The following URM1 variants were observed in gnomAD, a reference collection of about 807,000 sequenced individuals.
URM1 encodes ubiquitin-related modifier 1.
In URM1, 11 loss-of-function variants were observed where a neutral mutation model predicts 17.7. The ratio of observed to expected loss-of-function variants is 0.62; its 90% CI spans 0.39 to 1.03. URM1 has a LOEUF of 1.03. Ranked by LOEUF, URM1 falls within the 50% of genes least tolerant of loss-of-function variation. URM1 has a pLI of 0.00. For missense variants in URM1, 128 were observed against 129.2 expected, an observed-to-expected ratio of 0.99 and a Z score of 0.04; for synonymous variants, 48 against 50.6, an observed-to-expected ratio of 0.95 and a Z score of 0.22.
chr9:128,375,977 G>A (rs1039970560), intron 1 of URM1, among the ~76,000 whole-genome samples: 1 of 152,170 alleles, frequency 6.6e-6, no homozygotes, highest in African/African-American at 2.4e-5. Context: ...TCCAAAGGCT[G>A]TGTTCTGCAC....
chr9:128,388,329 G>A (rs1833256036), intron 3 of URM1: 2 of 1,002,450 alleles, frequency 2.0e-6, no homozygotes, highest in Non-Finnish European at 2.4e-6. Flanking sequence ...TGCAGCACGG[G>A]TCTAGAATTC....
In URM1 at chr9:128,378,542, C is replaced by CAAAA. The variant is rs58676800; in HGVS notation, c.106+463_106+466dup. ...TGGGCGACAAAGCAAGACTCCATCTCAAAAAAAAAAAAAAAAAAAAAAAAA... is the reference window on the plus strand; with the variant it reads ...TGGGCGACAAAGCAAGACTCCATCTCAAAAAAAAAAAAAAAAAAAAAAAAAAAAA... On this transcript the variant is annotated intron_variant, in intron 2 of 4. Coordinates refer to ENST00000372853, the MANE Select transcript of URM1 (RefSeq NM_030914.4). Among the ~76,000 whole-genome samples, 22 of 23,016 alleles carry CAAAA rather than the reference C, an allele frequency of 9.6e-4. 2 individuals carry two copies. The East Asian group carries it at 0.021, about 22-fold the overall frequency. 15.1% of individuals were successfully genotyped at this position (23,016 alleles called of 152,430 possible). A position where few individuals can be genotyped will look rare whatever the true frequency, so the allele number is the denominator to read the frequency against.
At chr9:128,375,319 C>A (rs1348743085) in intron 1 of URM1, among the ~76,000 whole-genome samples, 1 of 152,154 alleles carries the variant, frequency 6.6e-6, no homozygotes, top group Middle Eastern at 3.2e-3. Flanking sequence ...AGCATTCAAA[C>A]CATCATCTGG....
chr9:128,384,247 T>A (rs190334708), intron 2 of URM1, among the ~76,000 whole-genome samples: 2 of 152,312 alleles, frequency 1.3e-5, no homozygotes, highest in Admixed American at 1.3e-4. Flanking sequence ...CTGCCCCCGA[T>A]GGGCAGGCCA....
At chr9:128,386,175 C>G (rs1358675275) in intron 2 of URM1, among the ~76,000 whole-genome samples, 1 of 152,232 alleles carries the variant, frequency 6.6e-6, no homozygotes, top group Non-Finnish European at 1.5e-5. Flanking sequence ...CACAGGCACA[C>G]CCCCGCCCGC....
At chr9:128,376,878 T>TG (rs1833085446) in intron 1 of URM1, among the ~76,000 whole-genome samples, 1 of 151,876 alleles carries the variant, frequency 6.6e-6, no homozygotes, top group South Asian at 2.1e-4. Context: ...CCCAGCTGCT[T>TG]GGGGGTCTGA....
At chr9:128,388,784 C>T in intron 3 of URM1, 1 of 988,152 alleles carries the variant, frequency 1.0e-6, no homozygotes, top group Non-Finnish European at 1.2e-6. Flanking sequence ...GCCTTCTCTC[C>T]AGGATGGGCA....
intron 1 of URM1, 131 bp downstream of exon 1, chr9:128,371,546 C>G (rs928503524): frequency 2.2e-6 from 2 of 923,048 alleles, no homozygotes; most frequent in South Asian, 1.6e-5. Context: ...GCTACGCTAC[C>G]CGCCTAGGAG....
rs1833250982 is a variant in URM1 at position 128,387,994 on chromosome 9, G to A, written c.188+97G>A. The A allele has an allele frequency of 1.8e-5, 28 of 1,523,042 alleles. No individual in the cohort carries two copies. Among genetic ancestry groups the A allele is most frequent in the Middle Eastern group, 2.3e-4 (1 of 4,434 alleles). The allele number at this position is 1,523,042 out of a possible 1,614,324, so 94.3% of individuals were successfully genotyped here. A position where few individuals can be genotyped will look rare whatever the true frequency, so the allele number is the denominator to read the frequency against. On this transcript the variant is annotated intron_variant, in intron 3 of 4. Coordinates refer to ENST00000372853, the MANE Select transcript of URM1 (RefSeq NM_030914.4). This position sits in a 1 kb window ranked among gnomAD's most constrained non-coding sequence, Gnocchi z 4.3. ...TCAGTCCTGGCCTTCTCTGAATCCG[G>A]TTCTCCCCTTCCTCCTCCCTAACTC... is the stretch of plus-strand genomic sequence containing the variant.
At position 128,389,746 on chromosome 9, in the gene URM1, T is replaced by G; in HGVS notation, c.*12T>G. On this transcript the variant is annotated 3_prime_UTR_variant, in exon 5 of 5. Coordinates refer to ENST00000372853, the MANE Select transcript of URM1 (RefSeq NM_030914.4). ...TGCACGGCGGCTGAGGGCCCTTCTC[T>G]GGGCCTGGGCACCCTTAGAGGGGAG... 6.2e-7 allele frequency: 1 copy of G among 1,613,396 alleles called. No individual in the cohort carries two copies. Among genetic ancestry groups the G allele is most frequent in the Non-Finnish European group, 8.5e-7 (1 of 1,179,982 alleles).
intron 2 of URM1, among the ~76,000 whole-genome samples, chr9:128,378,793 A>C (rs971352469): frequency 1.3e-5 from 2 of 151,338 alleles, no homozygotes; most frequent in Non-Finnish European, 2.9e-5. Flanking sequence ...TAGAAATACA[A>C]AAAATTAGTC....
chr9:128,375,449 A>G (rs886978376), intron 1 of URM1, among the ~76,000 whole-genome samples: 33 of 152,144 alleles, frequency 2.2e-4, no homozygotes, highest in African/African-American at 7.7e-4. Flanking sequence ...GGTGGCCCAC[A>G]CCTATAATCC....
chr9:128,385,806 AACAAT>A (rs1242912325), intron 2 of URM1, among the ~76,000 whole-genome samples: 10 of 151,762 alleles, frequency 6.6e-5, no homozygotes, highest in Admixed American at 6.6e-4. Flanking sequence ...GGCATGGGGG[AACAAT>A]ACGAGTGGCG....
intron 2 of URM1, among the ~76,000 whole-genome samples, chr9:128,379,707 C>T (rs189743551): frequency 8.5e-4 from 127 of 149,602 alleles, no homozygotes; most frequent in Non-Finnish European, 4.4e-5. Flanking sequence ...GGCTGAGGCA[C>T]GAGAATTGCT....
At chr9:128,388,099 A>G in intron 3 of URM1, 1 of 1,333,286 alleles carries the variant, frequency 7.5e-7, no homozygotes, top group Non-Finnish European at 9.6e-7. Context: ...AGATGAAAGG[A>G]GCCTGGTGAA....
At chr9:128,382,035 C>T (rs964124358) in intron 2 of URM1, among the ~76,000 whole-genome samples, 1 of 152,172 alleles carries the variant, frequency 6.6e-6, no homozygotes, top group East Asian at 1.9e-4. Flanking sequence ...CCCAGAGTTA[C>T]CCAAGTAGGG....
At chr9:128,375,419 A>G (rs1833063824) in intron 1 of URM1, among the ~76,000 whole-genome samples, 1 of 152,108 alleles carries the variant, frequency 6.6e-6, no homozygotes. Flanking sequence ...GAAGCTTAAG[A>G]TTGAGTCAAG....
intron 1 of URM1, among the ~76,000 whole-genome samples, chr9:128,377,833 A>T (rs1184652908): frequency 2.6e-5 from 4 of 152,208 alleles, no homozygotes; most frequent in Non-Finnish European, 4.4e-5. Context: ...GCATTCCAGC[A>T]TAGGCGACAG....
intron 2 of URM1, among the ~76,000 whole-genome samples, chr9:128,379,733 G>A (rs560191364): frequency 5.9e-5 from 9 of 151,730 alleles, no homozygotes; most frequent in South Asian, 4.2e-4. Context: ...CTAAAGGGGC[G>A]GAGGTTGCAG....
Sources: gnomAD v4.1 joint callset for allele counts (sites outside exome capture counted in the v4.1 genomes callset) on GRCh38, gnomAD v4.1.1 for gene constraint, Gnocchi (gnomAD v3.1) non-coding constraint, MANE v1.5 for transcripts, NCBI Gene and HGNC (gene_info 2026-07-23, HGNC 2026-07-21) for gene names.